PTPN9: variants seen among roughly 807,000 people sequenced by gnomAD.
The protein encoded by PTPN9 is protein tyrosine phosphatase non-receptor type 9.
In PTPN9, 26 loss-of-function variants were observed where a neutral mutation model predicts 69.8. The ratio of observed to expected loss-of-function variants is 0.37; its 90% CI spans 0.27 to 0.52. PTPN9 has a LOEUF of 0.52. Ranked by LOEUF, PTPN9 falls within the 20% of genes least tolerant of loss-of-function variation. PTPN9 has a pLI of 0.91. For missense variants in PTPN9, 549 were observed against 740.3 expected, an observed-to-expected ratio of 0.74 and a Z score of 3.00; for synonymous variants, 274 against 272.5, an observed-to-expected ratio of 1.01 and a Z score of -0.05.
At chr15:75,507,938 G>A (rs1212744690) in intron 6 of PTPN9, among the ~76,000 whole-genome samples, 1 of 150,684 alleles carries the variant, frequency 6.6e-6, no homozygotes, top group Non-Finnish European at 1.5e-5. Context: ...AGCTACTCAG[G>A]AGGCTGAGGC....
intron 9 of PTPN9, 103 bp downstream of exon 9, chr15:75,479,745 C>G (rs2141291498): frequency 1.0e-6 from 1 of 993,004 alleles, no homozygotes. Context: ...TGGCCAAAAC[C>G]TCCACTCAAG....
In PTPN9 at chr15:75,524,254, C is replaced by T. The variant is rs757773571; in HGVS notation, c.252G>A (p.Glu84=). The part of the protein sequence containing the change: ...KEGIVKLKPH[E]EPLRSEILSG... Reference sequence around the variant, plus strand: ...TGAGGATCTCAGAACGAAGAGGTTCCTCATGAGGTTTCAGCTTTACAATGC... The same window carrying T: ...TGAGGATCTCAGAACGAAGAGGTTCTTCATGAGGTTTCAGCTTTACAATGC... The change falls in exon 3 of 13, where the codon GAG becomes GAA. Residue 84 remains glutamate, a synonymous_variant. Transcript: ENST00000618819. 12 of 1,612,772 alleles carry T rather than the reference C, an allele frequency of 7.4e-6. No individual in the cohort carries two copies. The East Asian group carries it at 2.7e-4, about 36-fold the overall frequency.
At chr15:75,504,762 C>T (rs1345887609) in intron 7 of PTPN9, among the ~76,000 whole-genome samples, 1 of 147,210 alleles carries the variant, frequency 6.8e-6, no homozygotes, top group Non-Finnish European at 1.5e-5. Flanking sequence ...GTGAGGAGCC[C>T]CTCTGCCCGG....
At chr15:75,514,031 G>T (rs758362955) in intron 5 of PTPN9, among the ~76,000 whole-genome samples, 1 of 151,048 alleles carries the variant, frequency 6.6e-6, no homozygotes, top group Non-Finnish European at 1.5e-5. Flanking sequence ...CCTGGGAGGC[G>T]GAGGTTGCAG....
At chr15:75,556,360 C>A (rs1178084896) in intron 1 of PTPN9, among the ~76,000 whole-genome samples, 2 of 150,056 alleles carry the variant, frequency 1.3e-5, no homozygotes, top group Non-Finnish European at 3.0e-5. Flanking sequence ...ACTGCACCGG[C>A]CTTTTTTTTA....
At chr15:75,530,444 T>A (rs2074950707) in intron 1 of PTPN9, among the ~76,000 whole-genome samples, 1 of 102,398 alleles carries the variant, frequency 9.8e-6, no homozygotes, top group Non-Finnish European at 1.8e-5. Context: ...TATAATATAT[T>A]ATTATTATAA....
intron 1 of PTPN9, among the ~76,000 whole-genome samples, chr15:75,545,175 T>C (rs1371947055): frequency 6.6e-6 from 1 of 152,208 alleles, no homozygotes; most frequent in Non-Finnish European, 1.5e-5. Context: ...AATGTGTCAA[T>C]GGTGATGGGC....
intron 1 of PTPN9, among the ~76,000 whole-genome samples, chr15:75,531,719 C>T (rs890731614): frequency 5.9e-5 from 9 of 151,954 alleles, no homozygotes; most frequent in African/African-American, 1.9e-4. Flanking sequence ...CCACCACACC[C>T]GGCTAATTTT....
chr15:75,526,619 C>T (rs138988772), intron 2 of PTPN9, among the ~76,000 whole-genome samples: 48 of 152,240 alleles, frequency 3.2e-4, no homozygotes, highest in African/African-American at 1.1e-3. Flanking sequence ...ATCCTGATGC[C>T]GCTACATTTG....
At chr15:75,552,610 T>G (rs2075061033) in intron 1 of PTPN9, among the ~76,000 whole-genome samples, 1 of 151,856 alleles carries the variant, frequency 6.6e-6, no homozygotes, top group Non-Finnish European at 1.5e-5. Context: ...TGAGCATGTT[T>G]GCGGCTCAGA....
At chr15:75,556,874 G>A (rs1339089878) in intron 1 of PTPN9, among the ~76,000 whole-genome samples, 1 of 152,008 alleles carries the variant, frequency 6.6e-6, no homozygotes, top group Non-Finnish European at 1.5e-5. Flanking sequence ...ACTTTCCACA[G>A]CCTCTGGTAT....
At chr15:75,480,096 T>A (rs1239700660) in intron 8 of PTPN9, among the ~76,000 whole-genome samples, 182 bp from the exon 9 acceptor site, 2 of 152,024 alleles carry the variant, frequency 1.3e-5, no homozygotes, top group Admixed American at 1.3e-4. Context: ...CAAGTAGATA[T>A]CTACATGCAT....
chr15:75,524,603 C>G (rs962637545), intron 2 of PTPN9, among the ~76,000 whole-genome samples: 1 of 151,768 alleles, frequency 6.6e-6, no homozygotes, highest in African/African-American at 2.4e-5. Context: ...CATGGTGAAA[C>G]CTTGTCTCGG....
At chr15:75,483,182 T>C (rs2074654569) in intron 8 of PTPN9, among the ~76,000 whole-genome samples, 1 of 152,216 alleles carries the variant, frequency 6.6e-6, no homozygotes, top group Non-Finnish European at 1.5e-5. Context: ...TGGTTGTTCC[T>C]GAAAAGATTA....
chr15:75,468,547 G>A lies in PTPN9; in HGVS notation c.*222C>T, dbSNP rs554083247. The A allele has an allele frequency of 2.6e-4, 125 of 471,908 alleles. No homozygotes were observed. Among genetic ancestry groups the A allele is most frequent in the Non-Finnish European group, 3.9e-4 (101 of 260,700 alleles). 29.2% of individuals were successfully genotyped at this position (471,908 alleles called of 1,614,324 possible). On this transcript the variant is annotated 3_prime_UTR_variant, in exon 13 of 13. Coordinates refer to ENST00000618819, the MANE Select transcript of PTPN9 (RefSeq NM_002833.4). ...AATAAGGCACAGTTTGATAGCAGAT[G>A]CTAGGAATTAAGAACACATTGCTAC...
intron 4 of PTPN9, among the ~76,000 whole-genome samples, chr15:75,521,517 A>C (rs2074905193): frequency 1.3e-5 from 2 of 152,106 alleles, no homozygotes; most frequent in South Asian, 4.2e-4. Flanking sequence ...GAAAACACCA[A>C]GAAGTTTAAA....
In PTPN9 at chr15:75,575,672, C is replaced by A. The variant is rs574043892; in HGVS notation, c.63+3042G>T. ...CGGTGGTTCACGCCTGTAATCCCAG[C>A]ACTTTGGGAGGCCAAGGCGGGTGGA... On this transcript the variant is annotated intron_variant, in intron 1 of 12. Transcript: ENST00000618819. Among the ~76,000 whole-genome samples the A allele has an allele frequency of 2.0e-5, 3 of 152,220 alleles. No homozygotes were observed. The East Asian group carries it at 5.8e-4, about 29-fold the overall frequency.
In PTPN9 at chr15:75,469,880, C is replaced by T. The variant is rs1361309240; in HGVS notation, c.1479G>A (p.Leu493=). ...FLRVVRNQQS[L]AVSNMGARSK... ...AGCGTGCTCCCATGTTGCTCACAGCCAGACTCTGCTGGTTTCTGACCACTC... is the reference window on the plus strand; with the variant it reads ...AGCGTGCTCCCATGTTGCTCACAGCTAGACTCTGCTGGTTTCTGACCACTC... Residue 493 remains leucine, a synonymous_variant, in exon 12 of 13, where the codon CTG becomes CTA. Coordinates refer to ENST00000618819, the MANE Select transcript of PTPN9 (RefSeq NM_002833.4). 5.6e-6 allele frequency: 9 copies of T among 1,614,176 alleles called. No homozygotes were observed. In the African/African-American group the frequency reaches 8.0e-5, roughly 14 times the overall value.
chr15:75,565,057 T>C (rs910458599), intron 1 of PTPN9, among the ~76,000 whole-genome samples: 3 of 150,346 alleles, frequency 2.0e-5, no homozygotes, highest in South Asian at 2.1e-4. Context: ...GCCGAGATTC[T>C]ACCACTGCAC....
Sources: allele counts gnomAD v4.1 joint callset (sites outside exome capture counted in the v4.1 genomes callset), GRCh38; gene constraint gnomAD v4.1.1; transcripts MANE v1.5; gene names NCBI Gene and HGNC (gene_info 2026-07-23, HGNC 2026-07-21).